The following DAB1 variants were observed in gnomAD, a reference collection of about 807,000 sequenced individuals.
The protein encoded by DAB1 is disabled homolog 1.
A neutral mutation model predicts 64.6 loss-of-function variants in DAB1; 15 were observed. The observed-to-expected ratio is 0.23, with a 90% CI of 0.16 to 0.36. The LOEUF (loss-of-function observed/expected upper bound fraction) is 0.36, where lower values mean the gene tolerates loss of function less well. DAB1 is among the 10% of genes least tolerant of loss of function. DAB1 has a pLI of 1.00. For synonymous variants in DAB1, 235 were observed against 251.9 expected (o/e 0.93, Z 0.64); for missense variants, 596 against 706.7 (o/e 0.84, Z 1.78).
At chr1:58,063,262 T>C (rs529020069) in intron 5 of DAB1, among the ~76,000 whole-genome samples, 1 of 152,140 alleles carries the variant, frequency 6.6e-6, no homozygotes, top group Non-Finnish European at 1.5e-5. Context: ...TAAAATGGCC[T>C]TGGGGTACAA....
chr1:57,025,038 G>A (rs180975745), intron 10 of DAB1, among the ~76,000 whole-genome samples: 26 of 152,232 alleles, frequency 1.7e-4, no homozygotes, highest in Admixed American at 1.0e-3. Context: ...TCTGTGAGGC[G>A]CATCTTGCCA....
intron 5 of DAB1, among the ~76,000 whole-genome samples, chr1:58,043,837 T>C (rs6587797): frequency 0.46 from 69,592 of 151,906 alleles, 16,186 homozygotes; most frequent in African/African-American, 0.52. Flanking sequence ...AAGCGATTCT[T>C]CTGCCTCAGC....
At chr1:58,447,504 G>C (rs1645081109) in intron 3 of DAB1, among the ~76,000 whole-genome samples, 1 of 151,932 alleles carries the variant, frequency 6.6e-6, no homozygotes, top group Admixed American at 6.6e-5. Context: ...TACATGTTGG[G>C]CACCATTCTA....
At chr1:57,186,424 C>T (rs944026998) in intron 2 of DAB1, among the ~76,000 whole-genome samples, 1 of 152,150 alleles carries the variant, frequency 6.6e-6, no homozygotes. Flanking sequence ...ATATAAAAAG[C>T]AGAGTGTGCT....
intron 2 of DAB1, among the ~76,000 whole-genome samples, chr1:57,154,448 C>T (rs1432178265): frequency 6.6e-6 from 1 of 152,178 alleles, no homozygotes; most frequent in African/African-American, 2.4e-5. Context: ...TGTTGATGGA[C>T]AACAAATAAG....
rs564027405 is a variant in DAB1 at position 57,094,010 on chromosome 1, G to A, written c.307-21596C>T. 5.3e-5 allele frequency among the ~76,000 whole-genome samples: 8 copies of A among 151,416 alleles called. No individual in the cohort carries two copies. In the South Asian group the frequency reaches 1.3e-3, roughly 24 times the overall value. On this transcript the variant is annotated intron_variant, in intron 4 of 14. Transcript: ENST00000371236. ...TGTAATACCAGCTATGCAGATGGCCGAGGCACAAGAATCACTTGAACCCAG... is the reference window on the plus strand; with the variant it reads ...TGTAATACCAGCTATGCAGATGGCCAAGGCACAAGAATCACTTGAACCCAG...
At chr1:58,504,632 C>G (rs1645957939) in intron 3 of DAB1, among the ~76,000 whole-genome samples, 1 of 152,076 alleles carries the variant, frequency 6.6e-6, no homozygotes, top group African/African-American at 2.4e-5. Flanking sequence ...TGCTCATTCC[C>G]CAGCAATAGA....
chr1:57,599,491 C>G (rs978380109), intron 7 of DAB1, among the ~76,000 whole-genome samples: 2 of 152,008 alleles, frequency 1.3e-5, no homozygotes, highest in Non-Finnish European at 2.9e-5. Flanking sequence ...CAGCTCTCCC[C>G]ACGTGGGACC....
chr1:57,062,995 C>A, intron 8 of DAB1, 52 bp from the exon 9 acceptor site: 1 of 1,521,934 alleles, frequency 6.6e-7, no homozygotes, highest in Non-Finnish European at 9.1e-7. Context: ...ACTCCAATTT[C>A]AAAGAACAAA....
intron 5 of DAB1, among the ~76,000 whole-genome samples, chr1:57,960,486 A>G (rs1645491702): frequency 7.4e-6 from 1 of 135,324 alleles, no homozygotes; most frequent in East Asian, 1.9e-4. Context: ...CCAGTAAGGA[A>G]CCAAATTAAA....
chr1:57,153,626 T>C (rs1029677762), intron 2 of DAB1, among the ~76,000 whole-genome samples: 1 of 122,408 alleles, frequency 8.2e-6, no homozygotes, highest in African/African-American at 2.9e-5. Context: ...GTATGGGGTT[T>C]TTTTTTTGTT....
At chr1:57,258,664 C>T (rs979482883) in intron 2 of DAB1, among the ~76,000 whole-genome samples, 3 of 152,130 alleles carry the variant, frequency 2.0e-5, no homozygotes, top group Non-Finnish European at 4.4e-5. Context: ...ATCTGCTAGC[C>T]CAATTACGCA....
chr1:57,505,801 G>C (rs1403702071), intron 7 of DAB1, among the ~76,000 whole-genome samples: 2 of 152,064 alleles, frequency 1.3e-5, no homozygotes, highest in Non-Finnish European at 2.9e-5. Flanking sequence ...CTCCCACGTA[G>C]CTGAGACTAC....
chr1:57,041,014 T>C (rs1401219330), intron 9 of DAB1, among the ~76,000 whole-genome samples: 12 of 152,064 alleles, frequency 7.9e-5, no homozygotes. Context: ...ACAAGAAATA[T>C]TGGAGGGAGC....
downstream of DAB1, among the ~76,000 whole-genome samples, chr1:57,825,151 T>G (rs550006954): frequency 1.6e-4 from 24 of 152,300 alleles, no homozygotes; most frequent in South Asian, 3.3e-3. Context: ...CATAGTCAAC[T>G]TCATTCCCAC....
chr1:57,569,585 C>T (rs923136008), intron 7 of DAB1, among the ~76,000 whole-genome samples: 4 of 136,494 alleles, frequency 2.9e-5, no homozygotes, highest in Admixed American at 1.5e-4. Context: ...CATCATACAC[C>T]GGGGCCTGTT....
chr1:58,161,155 C>T (rs1655516106), intron 4 of DAB1, among the ~76,000 whole-genome samples: 1 of 152,212 alleles, frequency 6.6e-6, no homozygotes, highest in African/African-American at 2.4e-5. Flanking sequence ...AGAATGGAGT[C>T]TTCCCCTTTG....
chr1:57,872,116 A>C lies in DAB1; in HGVS notation n.87+11883T>G, dbSNP rs1177191367. Among the ~76,000 whole-genome samples the C allele has an allele frequency of 3.3e-5, 5 of 152,176 alleles. No homozygotes were observed. The South Asian group carries it at 1.0e-3, about 32-fold the overall frequency. On this transcript the variant is annotated intron_variant and non_coding_transcript_variant, in intron 1 of 1. Transcript: ENST00000477280. ...ATGCTTATCAGAATGCCAGATGTAG[A>C]TGGCAATCAAATACTTTAAAAGTTA...
intron 5 of DAB1, among the ~76,000 whole-genome samples, chr1:57,903,554 A>G (rs1290866369): frequency 3.9e-5 from 6 of 152,090 alleles, no homozygotes; most frequent in Non-Finnish European, 8.8e-5. Context: ...TCACTTCTGG[A>G]GCCTTCCCAT....
Sources: gnomAD v4.1 joint callset for allele counts (sites outside exome capture counted in the v4.1 genomes callset) on GRCh38, gnomAD v4.1.1 for gene constraint, MANE v1.5 for transcripts, NCBI Gene and HGNC (gene_info 2026-07-23, HGNC 2026-07-21) for gene names.